The following MALRD1 variants were observed in gnomAD, a reference collection of about 807,000 sequenced individuals.
MALRD1 encodes the protein MAM and LDL-receptor class A domain-containing protein 1.
MALRD1 carries 247 observed loss-of-function variants against 242.1 expected under a neutral mutation model. The ratio of observed to expected loss-of-function variants is 1.02; its 90% CI spans 0.92 to 1.13. The LOEUF (loss-of-function observed/expected upper bound fraction) is 1.13. Ranked by LOEUF, MALRD1 falls within the 50% of genes most tolerant of loss-of-function variation. MALRD1 has a pLI of 0.00. For missense variants in MALRD1, 2,989 were observed against 2,533.1 expected, an observed-to-expected ratio of 1.18 and a Z score of -3.86; for synonymous variants, 995 against 866.6, an observed-to-expected ratio of 1.15 and a Z score of -2.60.
intron 33 of MALRD1, among the ~76,000 whole-genome samples, chr10:19,581,467 G>C (rs143362580): frequency 1.4e-3 from 207 of 151,156 alleles, no homozygotes; most frequent in Non-Finnish European, 2.3e-3. Context: ...AGAATATGTG[G>C]TGTTTGGTAT....
chr10:19,247,216 C>A (rs1839098011), intron 18 of MALRD1, among the ~76,000 whole-genome samples: 1 of 152,000 alleles, frequency 6.6e-6, no homozygotes, highest in Non-Finnish European at 1.5e-5. Flanking sequence ...ACTACTGCCA[C>A]ATCTTCACAA....
chr10:19,239,246 G>T (rs59969869), intron 18 of MALRD1, among the ~76,000 whole-genome samples: 11,731 of 151,982 alleles, frequency 0.077, 766 homozygotes, highest in Admixed American at 0.21. Context: ...TTTTAGTAGA[G>T]AAATGATTTC....
At chr10:19,381,773 A>G (rs1845848393) in intron 26 of MALRD1, among the ~76,000 whole-genome samples, 1 of 151,936 alleles carries the variant, frequency 6.6e-6, no homozygotes, top group South Asian at 2.1e-4. Flanking sequence ...TGGGAGGTGG[A>G]GTTTGCAGTG....
At chr10:19,567,007 A>G (rs957211861) in intron 32 of MALRD1, among the ~76,000 whole-genome samples, 1 of 152,140 alleles carries the variant, frequency 6.6e-6, no homozygotes, top group Admixed American at 6.5e-5. Flanking sequence ...AAAGTGGTGA[A>G]TATCAATGTT....
chr10:19,711,267 T>C (rs1313062208), intron 38 of MALRD1: 2 of 152,202 alleles, frequency 1.3e-5, no homozygotes, highest in Non-Finnish European at 2.9e-5. Flanking sequence ...TCAAAGTTCT[T>C]CAAAGACCAG....
At chr10:19,281,176 A>T (rs370757294) in intron 20 of MALRD1, among the ~76,000 whole-genome samples, 1 of 152,220 alleles carries the variant, frequency 6.6e-6, no homozygotes, top group Non-Finnish European at 1.5e-5. Context: ...AAGCTGACTC[A>T]CTTCATGCAT....
intron 36 of MALRD1, among the ~76,000 whole-genome samples, chr10:19,644,177 G>C (rs922460849): frequency 1.3e-5 from 2 of 152,148 alleles, no homozygotes; most frequent in Non-Finnish European, 2.9e-5. Context: ...TCTGTGTTCT[G>C]CTGGAACCCT....
At position 19,598,996 on chromosome 10, in the gene MALRD1, AAGTGGT is replaced by A. The variant is rs1352893390; in HGVS notation, c.5944+3540_5944+3545del. Reference sequence around the variant, plus strand: ...AAATATAAATTGGAAAAAGCCAAAAAAGTGGTTTTTGGGATTTTGGAGAGAGAACTT... The same window carrying A: ...AAATATAAATTGGAAAAAGCCAAAAATTTTGGGATTTTGGAGAGAGAACTT... On this transcript the variant is annotated intron_variant, in intron 34 of 39. Coordinates refer to ENST00000454679, the MANE Select transcript of MALRD1 (RefSeq NM_001142308.3). Among the ~76,000 whole-genome samples the A allele has an allele frequency of 1.9e-3, 290 of 152,252 alleles. 2 individuals are homozygous for A. Among genetic ancestry groups the A allele is most frequent in the African/African-American group, 6.7e-3 (279 of 41,554 alleles).
At chr10:19,654,223 CATT>C (rs1246951624) in intron 36 of MALRD1, among the ~76,000 whole-genome samples, 1 of 124,710 alleles carries the variant, frequency 8.0e-6, no homozygotes, top group Non-Finnish European at 1.9e-5. Flanking sequence ...GGAACAAACA[CATT>C]TGATGGATAA....
intron 36 of MALRD1, among the ~76,000 whole-genome samples, chr10:19,652,984 C>T (rs1311604802): frequency 2.0e-5 from 3 of 152,190 alleles, no homozygotes; most frequent in African/African-American, 7.2e-5. Flanking sequence ...GCATAATTTA[C>T]ATATCAGTAT....
intron 20 of MALRD1, among the ~76,000 whole-genome samples, chr10:19,281,627 C>G (rs1361925350): frequency 6.6e-6 from 1 of 152,080 alleles, no homozygotes. Context: ...TATGACAAAT[C>G]TGCTTGTAAA....
At chr10:19,125,290 T>C (rs113491673) in intron 7 of MALRD1, among the ~76,000 whole-genome samples, 3,637 of 69,062 alleles carry the variant, frequency 0.053, 273 homozygotes, top group Middle Eastern at 0.082. Flanking sequence ...TCTTTCTTTC[T>C]TTCCTTCCTT....
intron 24 of MALRD1, among the ~76,000 whole-genome samples, chr10:19,347,106 G>T (rs946118228): frequency 6.6e-6 from 1 of 152,056 alleles, no homozygotes; most frequent in Non-Finnish European, 1.5e-5. Context: ...TAATTTACTT[G>T]CCGCACGATA....
chr10:19,270,336 T>TCTCACA (rs1366865915), intron 19 of MALRD1, among the ~76,000 whole-genome samples: 67 of 130,962 alleles, frequency 5.1e-4, no homozygotes, highest in African/African-American at 9.4e-4. Context: ...TCTCTCTCTC[T>TCTCACA]CACACACACA....
At chr10:19,662,716 A>G (rs557148569) in intron 36 of MALRD1, among the ~76,000 whole-genome samples, 41 of 152,284 alleles carry the variant, frequency 2.7e-4, no homozygotes, top group South Asian at 2.5e-3. Context: ...ATAACTTTGG[A>G]AAACATGATC....
chr10:19,520,023 A>G (rs1833807794), intron 31 of MALRD1, among the ~76,000 whole-genome samples: 1 of 152,122 alleles, frequency 6.6e-6, no homozygotes, highest in East Asian at 1.9e-4. Flanking sequence ...TGTAGCTACT[A>G]TTCACTGAGT....
At chr10:19,099,995 A>T (rs1239943148) in intron 4 of MALRD1, among the ~76,000 whole-genome samples, 1 of 152,124 alleles carries the variant, frequency 6.6e-6, no homozygotes, top group Non-Finnish European at 1.5e-5. Context: ...TCCTGACCTC[A>T]GGTGATCCGC....
At chr10:19,522,334 T>TA (rs1833918469) in intron 31 of MALRD1, among the ~76,000 whole-genome samples, 1 of 152,160 alleles carries the variant, frequency 6.6e-6, no homozygotes, top group Non-Finnish European at 1.5e-5. Flanking sequence ...AGACACTATA[T>TA]ACTGGGTAAA....
At chr10:19,203,274 T>C (rs1365171542) in intron 14 of MALRD1, among the ~76,000 whole-genome samples, 1 of 152,166 alleles carries the variant, frequency 6.6e-6, no homozygotes, top group African/African-American at 2.4e-5. Flanking sequence ...GGGGTACACA[T>C]TGTATTAAAT....
Sources: allele counts gnomAD v4.1 joint callset (sites outside exome capture counted in the v4.1 genomes callset), GRCh38; gene constraint gnomAD v4.1.1; transcripts MANE v1.5; gene names NCBI Gene and HGNC (gene_info 2026-07-23, HGNC 2026-07-21).